SIDT2: variants seen among roughly 807,000 people sequenced by gnomAD.
SIDT2 encodes SID1 transmembrane family member 2, also known as SID1 transmembrane family, member 2.
In SIDT2, 68 loss-of-function variants were observed where a neutral mutation model predicts 114.4. The observed-to-expected ratio is 0.59, with a 90% CI of 0.49 to 0.73. SIDT2 has a LOEUF of 0.73. Ranked by LOEUF, SIDT2 falls within the 30% of genes least tolerant of loss-of-function variation. The pLI is 0.00. For missense variants in SIDT2, 918 were observed against 1,097.1 expected, an observed-to-expected ratio of 0.84 and a Z score of 2.31; for synonymous variants, 470 against 438.4, an observed-to-expected ratio of 1.07 and a Z score of -0.90.
chr11:117,191,974 C>T lies in SIDT2; in HGVS notation c.1832C>T (p.Ala611Val), dbSNP rs2030718677. The T allele has an allele frequency of 6.2e-7, 1 of 1,614,212 alleles. No homozygotes were observed. The highest frequency in any genetic ancestry group is 8.5e-7 in the Non-Finnish European group (1 of 1,180,046). ...AACGCCAGCGCCTACAGTGCCTACGCCTGCCTGGCCATTGTCATCTTCTTC... is the reference window on the plus strand; with the variant it reads ...AACGCCAGCGCCTACAGTGCCTACGTCTGCCTGGCCATTGTCATCTTCTTC... ...DINASAYSAY[A>V]CLAIVIFFSV... is the part of the protein sequence containing the mutation. Residue 611 changes from alanine to valine, a missense_variant, in exon 19 of 26, where the codon GCC becomes GTC. This residue lies in a region of SIDT2 where 275 missense variants were observed against 397.6 expected (regional missense o/e 0.69). Coordinates refer to ENST00000324225, the MANE Select transcript of SIDT2 (RefSeq NM_001040455.2).
chr11:117,185,358 T>C lies in SIDT2; in HGVS notation c.869-772T>C, dbSNP rs113930060. On this transcript the variant is annotated intron_variant, in intron 8 of 25. Coordinates refer to ENST00000324225, the MANE Select transcript of SIDT2 (RefSeq NM_001040455.2). ...CCACCGCGCCCGGCCAGGGTGCCTC[T>C]CTTACATGGATTATTTATTCAGCAA... Among the ~76,000 whole-genome samples the C allele has an allele frequency of 9.6e-3, 1,460 of 151,996 alleles. 21 individuals are homozygous for C. Among genetic ancestry groups the C allele is most frequent in the Middle Eastern group, 0.048 (14 of 294 alleles).
chr11:117,187,759 G>A, intron 12 of SIDT2, 60 bp downstream of exon 12: 1 of 1,545,882 alleles, frequency 6.5e-7, no homozygotes, highest in Non-Finnish European at 8.9e-7. Context: ...TGGGTAAAAT[G>A]TCACGGTGGG....
At position 117,188,907 on chromosome 11, in the gene SIDT2, G is replaced by A. The variant is rs541779477; in HGVS notation, c.1278+81G>A. The A allele has an allele frequency of 1.4e-6, 2 of 1,392,002 alleles. No individual in the cohort carries two copies. Among genetic ancestry groups the A allele is most frequent in the African/African-American group, 1.4e-5 (1 of 70,514 alleles). The allele number at this position is 1,392,002 out of a possible 1,614,324, so 86.2% of individuals were successfully genotyped here. On this transcript the variant is annotated intron_variant, in intron 13 of 25. Transcript: ENST00000324225. The surrounding 1 kb of genome is among the most constrained non-coding windows in gnomAD (Gnocchi z 4.0). ...GTTCCCGCCCCAGCATGTTCCCACT[G>A]ACGTGGCATTTAGGGAAGCAGAAGG... is the stretch of plus-strand genomic sequence containing the variant.
chr11:117,192,379 G>A lies in SIDT2; in HGVS notation c.1981+17G>A. 1 of 1,526,060 alleles carries A rather than the reference G, an allele frequency of 6.6e-7. No individual in the cohort carries two copies. Among genetic ancestry groups the A allele is most frequent in the Non-Finnish European group, 9.1e-7 (1 of 1,101,460 alleles). The allele number at this position is 1,526,060 out of a possible 1,614,324, so 94.5% of individuals were successfully genotyped here. A position where few individuals can be genotyped will look rare whatever the true frequency, so the allele number is the denominator to read the frequency against. ...GGAAACTGGGTAAGGGCACGCCCGG[G>A]GCAGGGCCTGGGGGAGGGGTCTGGG... On this transcript the variant is annotated intron_variant, in intron 20 of 25. Coordinates refer to ENST00000324225, the MANE Select transcript of SIDT2 (RefSeq NM_001040455.2). The surrounding 1 kb of genome is among the most constrained non-coding windows in gnomAD (Gnocchi z 5.9).
intron 7 of SIDT2, 98 bp downstream of exon 7, chr11:117,183,976 G>T: frequency 1.3e-6 from 2 of 1,520,810 alleles, no homozygotes; most frequent in South Asian, 2.3e-5. Context: ...GACCTGATAG[G>T]ACATGGGTTT....
At chr11:117,189,817 C>A in intron 15 of SIDT2, 135 bp from the exon 16 acceptor site, 1 of 744,418 alleles carries the variant, frequency 1.3e-6, no homozygotes, top group Non-Finnish European at 2.3e-6. Flanking sequence ...GGAACACGTG[C>A]CTGCGGTGCT....
At position 117,192,787 on chromosome 11, in the gene SIDT2, G is replaced by A. The variant is rs2134259793; in HGVS notation, c.2059-33G>A. 15 of 1,614,006 alleles carry A rather than the reference G, an allele frequency of 9.3e-6. No homozygotes were observed. Among genetic ancestry groups the A allele is most frequent in the Non-Finnish European group, 1.1e-5 (13 of 1,179,976 alleles). On this transcript the variant is annotated intron_variant, in intron 21 of 25. Coordinates refer to ENST00000324225, the MANE Select transcript of SIDT2 (RefSeq NM_001040455.2). This position sits in a 1 kb window ranked among gnomAD's most constrained non-coding sequence, Gnocchi z 5.9. ...TTCTTCCACCACCCTCCCTGCCCCT[G>A]CCCTCAGTCCCTGTGTCCCTGCTTC... is the stretch of plus-strand genomic sequence containing the variant.
chr11:117,185,871 CAAAAAA>C (rs34117588), intron 8 of SIDT2: 28 of 180,672 alleles, frequency 1.5e-4, no homozygotes, highest in African/African-American at 2.9e-4. Context: ...GAGCCCGTCT[CAAAAAA>C]AAAAAAAAAA....
Position 117,186,205 on chromosome 11 carries a change from C to T in SIDT2, c.944C>T (p.Ala315Val), listed in dbSNP as rs1182442529. The change falls in exon 9 of 26, where the codon GCC becomes GTC. Residue 315 changes from alanine (A) to valine (V), a missense_variant. Ala to Val is a moderately conservative substitution (Grantham distance 64, BLOSUM62 0). Around this residue, in one of 4 missense-constraint regions of SIDT2, gnomAD observed 553 missense variants for 600.1 expected, o/e 0.92. Coordinates refer to ENST00000324225, the MANE Select transcript of SIDT2 (RefSeq NM_001040455.2). ...LSFYLLTVLL[A>V]CWENWRQKKK... is the part of the protein sequence containing the mutation. Reference sequence around the variant, plus strand: ...TTTTACCTGCTGACCGTCCTCCTGGCCTGCTGGGAGAACTGGAGGTAAAGT... The same window carrying T: ...TTTTACCTGCTGACCGTCCTCCTGGTCTGCTGGGAGAACTGGAGGTAAAGT... 2 of 1,614,068 alleles carry T rather than the reference C, an allele frequency of 1.2e-6. No homozygotes were observed. The highest frequency in any genetic ancestry group is 1.7e-6 in the Non-Finnish European group (2 of 1,179,992).
Position 117,193,989 on chromosome 11 carries a change from G to C in SIDT2, c.2322+26G>C, listed in dbSNP as rs745702168. 7.0e-6 allele frequency: 11 copies of C among 1,574,028 alleles called. No individual in the cohort carries two copies. In the Admixed American group the frequency reaches 1.8e-4, roughly 26 times the overall value. On this transcript the variant is annotated intron_variant, in intron 24 of 25. Coordinates refer to ENST00000324225, the MANE Select transcript of SIDT2 (RefSeq NM_001040455.2). ...GTGAGCACTCACCCTCAGGCTCCTT[G>C]TGAGCCAACAAGTGGCCAGTCCTCT...
intron 8 of SIDT2, among the ~76,000 whole-genome samples, chr11:117,184,565 G>A (rs188500890): frequency 1.5e-3 from 227 of 152,280 alleles, no homozygotes; most frequent in African/African-American, 4.5e-3. Flanking sequence ...AACAGAGGGA[G>A]TAAAATTTGT....
chr11:117,181,576 A>C, intron 2 of SIDT2, 39 bp downstream of exon 2: 1 of 1,612,404 alleles, frequency 6.2e-7, no homozygotes, highest in East Asian at 2.2e-5. Context: ...GGGGCAGCCT[A>C]GGCCAGTCCT....
Position 117,192,541 on chromosome 11 carries a change from G to T in SIDT2, c.1982-33G>T, listed in dbSNP as rs374975786. ...GGGGTCCAGCAAAGGAGGGTGCCCC[G>T]TGCCTGTCAGCACCACTCCCTTCTC... On this transcript the variant is annotated intron_variant, in intron 20 of 25. Transcript: ENST00000324225. This position sits in a 1 kb window ranked among gnomAD's most constrained non-coding sequence, Gnocchi z 5.9. 5 of 1,604,306 alleles carry T rather than the reference G, an allele frequency of 3.1e-6. No individual in the cohort carries two copies. Among genetic ancestry groups the T allele is most frequent in the Non-Finnish European group, 3.4e-6 (4 of 1,179,314 alleles).
intron 8 of SIDT2, 24 bp downstream of exon 8, chr11:117,184,163 G>C (rs754839369): frequency 1.4e-4 from 233 of 1,611,356 alleles, no homozygotes; most frequent in Non-Finnish European, 2.0e-4. Context: ...GTGGCTGAGA[G>C]GGGATGGACA....
At chr11:117,194,626 TAGA>T (rs1300158308) in intron 24 of SIDT2, among the ~76,000 whole-genome samples, 1 of 152,224 alleles carries the variant, frequency 6.6e-6, no homozygotes, top group Non-Finnish European at 1.5e-5. Flanking sequence ...CGAAGAGGGC[TAGA>T]AGGACTGTTG....
At position 117,195,903 on chromosome 11, in the gene SIDT2, C is replaced by T. The variant is rs147398892; in HGVS notation, c.2424C>T (p.Phe808=). Residue 808 remains phenylalanine, a synonymous_variant, in exon 25 of 26, where the codon TTC becomes TTT. Coordinates refer to ENST00000324225, the MANE Select transcript of SIDT2 (RefSeq NM_001040455.2). Reference sequence around the variant, plus strand: ...ACTTCCTCTCCTCCATCGCCATGTTCGGGTCCTTCCTGGTAAGCGGGCCTC... The same window carrying T: ...ACTTCCTCTCCTCCATCGCCATGTTTGGGTCCTTCCTGGTAAGCGGGCCTC... ...IWHFLSSIAM[F]GSFLVLLTLD... The T allele has an allele frequency of 4.4e-5, 71 of 1,614,252 alleles. No homozygotes were observed. The African/African-American group carries it at 7.5e-4, about 17-fold the overall frequency.
intron 8 of SIDT2, among the ~76,000 whole-genome samples, chr11:117,184,585 C>T (rs1343446914): frequency 7.2e-5 from 11 of 152,156 alleles, no homozygotes; most frequent in Non-Finnish European, 1.5e-4. Context: ...TCCAGTTAAT[C>T]TCACTAAGTT....
rs2030877176 is a variant in SIDT2 at position 117,195,847 on chromosome 11, C to T, written c.2368C>T (p.Leu790Phe). Reference protein sequence around the residue: ...SREHNRDCILLDFFDDHDIWH... With the variant: ...SREHNRDCILFDFFDDHDIWH... ...GGAGCACAACCGGGACTGCATCCTC[C>T]TCGACTTCTTTGACGACCACGACAT... Residue 790 changes from leucine (L) to phenylalanine (F), a missense_variant, in exon 25 of 26, where the codon CTC (leucine) becomes TTC (phenylalanine). Physicochemically the swap from Leu to Phe is conservative, Grantham distance 22. Coordinates refer to ENST00000324225, the MANE Select transcript of SIDT2 (RefSeq NM_001040455.2). 7 of 1,614,242 alleles carry T rather than the reference C, an allele frequency of 4.3e-6. No homozygotes were observed. The highest frequency in any genetic ancestry group is 5.9e-6 in the Non-Finnish European group (7 of 1,180,036).
At position 117,182,580 on chromosome 11, in the gene SIDT2, A is replaced by G. The variant is rs750355732; in HGVS notation, c.578A>G (p.Lys193Arg). ...GTAATTGTCAAGGTGACCTCCAACA[A>G]GGCCTTCCCCTGCTCAGTCATCTCC... ...DSVIVKVTSN[K>R]AFPCSVISIQ... is the part of the protein sequence containing the mutation. Residue 193 changes from lysine to arginine, a missense_variant, in exon 5 of 26, where the codon AAG (lysine) becomes AGG (arginine). Lys to Arg is a conservative substitution (Grantham distance 26). Around this residue, in one of 4 missense-constraint regions of SIDT2, gnomAD observed 553 missense variants for 600.1 expected, o/e 0.92. Transcript: ENST00000324225. The G allele has an allele frequency of 1.2e-6, 2 of 1,614,234 alleles. No individual in the cohort carries two copies. The highest frequency in any genetic ancestry group is 1.3e-5 in the African/African-American group (1 of 75,062).
Sources: allele counts gnomAD v4.1 joint callset (sites outside exome capture counted in the v4.1 genomes callset), GRCh38; gene constraint gnomAD v4.1.1; regional missense constraint gnomAD v4.1.1; non-coding constraint Gnocchi (gnomAD v3.1); transcripts MANE v1.5; gene names NCBI Gene and HGNC (gene_info 2026-07-23, HGNC 2026-07-21).